Variants in ARAP2 observed in about 807,000 individuals in gnomAD.
The protein encoded by ARAP2 is ArfGAP with RhoGAP domain, ankyrin repeat and PH domain 2.
ARAP2 carries 148 observed loss-of-function variants against 194.5 expected under a neutral mutation model. That is an observed-to-expected ratio of 0.76 (90% CI 0.67 to 0.87). The LOEUF is 0.87. Among genes scored for constraint, ARAP2 ranks in the 40% least tolerant of loss-of-function variants. ARAP2 has a pLI of 0.00. For missense variants in ARAP2, 2,128 were observed against 1,989.7 expected, an observed-to-expected ratio of 1.07 and a Z score of -1.32; for synonymous variants, 695 against 683.5, an observed-to-expected ratio of 1.02 and a Z score of -0.26.
At chr4:36,161,186 C>T (rs1449612671) in intron 12 of ARAP2, among the ~76,000 whole-genome samples, 4 of 150,550 alleles carry the variant, frequency 2.7e-5, no homozygotes, top group African/African-American at 9.9e-5. Context: ...CACACACACA[C>T]ACATATACAG....
chr4:36,109,252 T>G (rs1304926963), intron 26 of ARAP2, among the ~76,000 whole-genome samples: 3 of 151,892 alleles, frequency 2.0e-5, no homozygotes, highest in African/African-American at 7.2e-5. Flanking sequence ...CTGTGCTTAT[T>G]GGAGCAAGCT....
At chr4:36,025,749 T>C (rs770335743) in intron 5 of ARAP2, among the ~76,000 whole-genome samples, 6 of 151,578 alleles carry the variant, frequency 4.0e-5, no homozygotes, top group Non-Finnish European at 8.8e-5. Flanking sequence ...AGTGAGATAA[T>C]GGTATCACGT....
intron 32 of ARAP2, among the ~76,000 whole-genome samples, chr4:36,073,145 T>C (rs948199237): frequency 6.6e-6 from 1 of 152,136 alleles, no homozygotes; most frequent in Non-Finnish European, 1.5e-5. Flanking sequence ...TCAAGATTGA[T>C]GCCGCTTATG....
chr4:36,009,716 A>G lies in ARAP2; in HGVS notation n.1326-2670T>C, dbSNP rs146747450. Among the ~76,000 whole-genome samples the G allele has an allele frequency of 2.3e-3, 347 of 152,244 alleles. 3 individuals carry two copies. Among genetic ancestry groups the G allele is most frequent in the Admixed American group, 6.0e-3 (92 of 15,272 alleles). ...TAAAGCATCAAAACTTTCTAAAGGAATATCTTAACAGTTGGTACCTTCTCA... is the reference window on the plus strand; with the variant it reads ...TAAAGCATCAAAACTTTCTAAAGGAGTATCTTAACAGTTGGTACCTTCTCA... On this transcript the variant is annotated intron_variant and non_coding_transcript_variant, in intron 9 of 12. Coordinates refer to the ARAP2 transcript ENST00000503225.
intron 5 of ARAP2, among the ~76,000 whole-genome samples, chr4:36,023,216 G>A (rs1162725124): frequency 6.6e-6 from 1 of 152,130 alleles, no homozygotes. Flanking sequence ...GCTATGAGTT[G>A]GGGAAAACCA....
intron 6 of ARAP2, among the ~76,000 whole-genome samples, chr4:36,200,181 ATTAG>A (rs1311488369): frequency 6.6e-6 from 1 of 152,146 alleles, no homozygotes; most frequent in Non-Finnish European, 1.5e-5. Context: ...AATTCCAATA[ATTAG>A]TTAATTAAAG....
intron 10 of ARAP2, 123 bp from the exon 11 acceptor site, chr4:36,165,236 G>A: frequency 1.2e-6 from 1 of 856,054 alleles, no homozygotes; most frequent in Non-Finnish European, 1.8e-6. Flanking sequence ...TGGCTGCTAG[G>A]CAGTTCTGGG....
intron 9 of ARAP2, among the ~76,000 whole-genome samples, chr4:36,172,542 TG>T (rs1199584153): frequency 6.6e-6 from 1 of 152,184 alleles, no homozygotes; most frequent in African/African-American, 2.4e-5. Flanking sequence ...ATAAAATTAA[TG>T]GTAAATATTT....
At chr4:36,108,876 G>T (rs547826201) in intron 26 of ARAP2, among the ~76,000 whole-genome samples, 1 of 152,090 alleles carries the variant, frequency 6.6e-6, no homozygotes, top group East Asian at 1.9e-4. Flanking sequence ...AGATGTCAAT[G>T]CTGCTTTCCT....
intron 24 of ARAP2, among the ~76,000 whole-genome samples, chr4:36,118,112 A>G (rs1240350592): frequency 6.6e-6 from 1 of 151,374 alleles, no homozygotes; most frequent in Non-Finnish European, 1.5e-5. Flanking sequence ...AACTTTGAAA[A>G]AGTTCCTTAA....
At chr4:36,207,780 T>TAA (rs879526263) in intron 6 of ARAP2, among the ~76,000 whole-genome samples, 1 of 149,196 alleles carries the variant, frequency 6.7e-6, no homozygotes, top group Non-Finnish European at 1.5e-5. Context: ...AAACAATTGT[T>TAA]AAAAAAAAAA....
At chr4:36,161,782 A>T (rs1734024733) in intron 11 of ARAP2, among the ~76,000 whole-genome samples, 1 of 118,710 alleles carries the variant, frequency 8.4e-6, no homozygotes, top group African/African-American at 3.4e-5. Context: ...CATCATCAGC[A>T]TCTGCACTGA....
chr4:36,229,024 T>TG lies in ARAP2; in HGVS notation c.462dup (p.Thr155HisfsTer14). ...AAATTCAGGTGTGGTTCCTCTGCAG[T>TG]GGGGAAGTCGCGTTTAGGAGGAGAC... On this transcript the variant is annotated frameshift_variant, in exon 2 of 33. Coordinates refer to ENST00000303965, the MANE Select transcript of ARAP2 (RefSeq NM_015230.4). LOFTEE classifies it high-confidence loss of function. The TG allele has an allele frequency of 6.2e-7, 1 of 1,614,094 alleles. No homozygotes were observed. The highest frequency in any genetic ancestry group is 8.5e-7 in the Non-Finnish European group (1 of 1,179,994).
chr4:36,200,095 A>C (rs1744053482), intron 6 of ARAP2, among the ~76,000 whole-genome samples: 1 of 152,232 alleles, frequency 6.6e-6, no homozygotes, highest in African/African-American at 2.4e-5. Context: ...AAATTCATAT[A>C]AACATTGAAT....
intron 27 of ARAP2, among the ~76,000 whole-genome samples, chr4:36,099,169 C>G (rs1395537746): frequency 6.6e-6 from 1 of 151,890 alleles, no homozygotes; most frequent in Non-Finnish European, 1.5e-5. Flanking sequence ...TTTTCTGTTC[C>G]CGTGTTAGTT....
chr4:36,214,492 A>C lies in ARAP2; in HGVS notation c.906-12T>G. Reference sequence around the variant, plus strand: ...TTTCACGGAAATAGCTTAAAAAGCAAAGGAGAAAATACTTATGAGTGAAAA... The same window carrying C: ...TTTCACGGAAATAGCTTAAAAAGCACAGGAGAAAATACTTATGAGTGAAAA... On this transcript the variant is annotated splice_polypyrimidine_tract_variant and intron_variant, in intron 2 of 32. Coordinates refer to ENST00000303965, the MANE Select transcript of ARAP2 (RefSeq NM_015230.4). 1 of 1,585,204 alleles carries C rather than the reference A, an allele frequency of 6.3e-7. No individual in the cohort carries two copies. The highest frequency in any genetic ancestry group is 8.6e-7 in the Non-Finnish European group (1 of 1,161,254).
At chr4:36,208,014 A>G (rs964913759) in intron 6 of ARAP2, among the ~76,000 whole-genome samples, 4 of 152,228 alleles carry the variant, frequency 2.6e-5, no homozygotes, top group Admixed American at 2.0e-4. Context: ...ATGTTCTGCT[A>G]AGGCTATCAC....
intron 9 of ARAP2, among the ~76,000 whole-genome samples, chr4:36,170,771 T>G (rs1736432405): frequency 6.6e-6 from 1 of 152,198 alleles, no homozygotes; most frequent in Non-Finnish European, 1.5e-5. Context: ...TACAGTCATT[T>G]TTTAATGGGA....
At chr4:36,063,616 A>ATT (rs1162720700), downstream of ARAP2, among the ~76,000 whole-genome samples, 82 of 152,302 alleles carry the variant, frequency 5.4e-4, no homozygotes, top group African/African-American at 1.9e-3. Flanking sequence ...CCTAAACATA[A>ATT]AAACAGCTTG....
Sources: allele counts gnomAD v4.1 joint callset (sites outside exome capture counted in the v4.1 genomes callset), GRCh38; gene constraint gnomAD v4.1.1; transcripts MANE v1.5; gene names NCBI Gene and HGNC (gene_info 2026-07-23, HGNC 2026-07-21).